MAML2: variants seen among roughly 807,000 people sequenced by gnomAD.
The protein encoded by MAML2 is mastermind like transcriptional coactivator 2, also known as mastermind-like protein 2.
MAML2 carries 22 observed loss-of-function variants against 96.1 expected under a neutral mutation model. That is an observed-to-expected ratio of 0.23 (90% CI 0.16 to 0.33). MAML2 has a LOEUF of 0.33. Among genes scored for constraint, MAML2 ranks in the 10% least tolerant of loss-of-function variants. The pLI is 1.00. For missense variants in MAML2, 1,367 were observed against 1,392.4 expected (o/e 0.98, Z 0.29); for synonymous variants, 561 against 521.3 (o/e 1.08, Z -1.04).
intron 1 of MAML2, among the ~76,000 whole-genome samples, chr11:96,306,154 G>A (rs1591124297): frequency 2.0e-5 from 3 of 152,038 alleles, no homozygotes; most frequent in Non-Finnish European, 4.4e-5. Flanking sequence ...CTTCAGTTGT[G>A]CACTTCAGTT....
At chr11:96,228,211 G>T (rs1379932289) in intron 1 of MAML2, among the ~76,000 whole-genome samples, 1 of 152,080 alleles carries the variant, frequency 6.6e-6, no homozygotes, top group East Asian at 1.9e-4. Flanking sequence ...GGCCACATCG[G>T]GTTTCCAGAC....
chr11:96,276,387 AC>A (rs1254715019), intron 1 of MAML2, among the ~76,000 whole-genome samples: 1 of 152,214 alleles, frequency 6.6e-6, no homozygotes, highest in East Asian at 1.9e-4. Flanking sequence ...GACAGGAAGA[AC>A]AATTTCTTAT....
rs116786186 is a variant in MAML2, at chr11:96,020,050, A to G, written c.2140-28327T>C. ...TAGATTCACATTCTCTACATGGTCA[A>G]TGTTGGAGGTGCCAGTCAGTGAAGG... is the stretch of plus-strand genomic sequence containing the variant. On this transcript the variant is annotated intron_variant, in intron 2 of 4. Coordinates refer to ENST00000524717, the MANE Select transcript of MAML2 (RefSeq NM_032427.4). Among the ~76,000 whole-genome samples the G allele has an allele frequency of 4.0e-3, 604 of 152,266 alleles. 7 individuals are homozygous for G. The highest frequency in any genetic ancestry group is 0.014 in the African/African-American group (586 of 41,544).
At chr11:96,330,094 C>T (rs1370559445) in intron 1 of MAML2, among the ~76,000 whole-genome samples, 1 of 152,068 alleles carries the variant, frequency 6.6e-6, no homozygotes, top group Non-Finnish European at 1.5e-5. Flanking sequence ...TGGAGTATAG[C>T]AAGAATGCTT....
intron 2 of MAML2, among the ~76,000 whole-genome samples, chr11:96,046,300 G>A (rs141024558): frequency 1.1e-4 from 16 of 152,176 alleles, no homozygotes; most frequent in African/African-American, 3.6e-4. Context: ...CGGGGAGCTG[G>A]CAGAAATAGC....
At chr11:96,064,449 G>C (rs558998374) in intron 2 of MAML2, among the ~76,000 whole-genome samples, 1 of 152,192 alleles carries the variant, frequency 6.6e-6, no homozygotes, top group African/African-American at 2.4e-5. Context: ...TATTCTGATA[G>C]TTTGTCCGAA....
chr11:96,337,309 C>T (rs1311890462), intron 1 of MAML2, among the ~76,000 whole-genome samples: 1 of 152,160 alleles, frequency 6.6e-6, no homozygotes, highest in Non-Finnish European at 1.5e-5. Context: ...ACTTACAGCT[C>T]TCAACTTTTT....
chr11:96,313,237 C>T (rs1461181755), intron 1 of MAML2, among the ~76,000 whole-genome samples: 2 of 152,092 alleles, frequency 1.3e-5, no homozygotes, highest in Non-Finnish European at 2.9e-5. Context: ...CTTCTGAGAC[C>T]AATAGTCTAA....
intron 1 of MAML2, among the ~76,000 whole-genome samples, chr11:96,275,154 A>G (rs1862969776): frequency 2.0e-5 from 3 of 152,124 alleles, no homozygotes; most frequent in Non-Finnish European, 4.4e-5. Flanking sequence ...AATGCTGCAG[A>G]GAATAACCTT....
intron 1 of MAML2, among the ~76,000 whole-genome samples, chr11:96,113,999 C>G (rs1276873775): frequency 6.9e-6 from 1 of 145,086 alleles, no homozygotes; most frequent in Non-Finnish European, 1.5e-5. Flanking sequence ...ACTGACATAC[C>G]ATCTCCAGAG....
At chr11:96,155,509 A>AATACATATATATATATATATATAT (rs541216405) in intron 1 of MAML2, among the ~76,000 whole-genome samples, 2 of 74,856 alleles carry the variant, frequency 2.7e-5, no homozygotes, top group Non-Finnish European at 5.0e-5. Context: ...TAACAATTCA[A>AATACATATATATATATATATATAT]ATATATATAT....
intron 2 of MAML2, among the ~76,000 whole-genome samples, chr11:96,015,588 G>GGC (rs1554996045): frequency 7.5e-6 from 1 of 132,506 alleles, no homozygotes; most frequent in East Asian, 2.5e-4. Context: ...AAAAAAAGGG[G>GGC]GGGGGGGCAA....
intron 1 of MAML2, among the ~76,000 whole-genome samples, chr11:96,298,470 T>C (rs911236148): frequency 3.9e-5 from 6 of 152,024 alleles, no homozygotes; most frequent in African/African-American, 1.4e-4. Context: ...AATGTAAACA[T>C]AGGTGTAGGT....
At chr11:96,118,361 G>A (rs1319862635) in intron 1 of MAML2, among the ~76,000 whole-genome samples, 1 of 152,124 alleles carries the variant, frequency 6.6e-6, no homozygotes, top group Non-Finnish European at 1.5e-5. Flanking sequence ...TTTCTTGATA[G>A]TGAGTGAGTT....
chr11:96,288,977 G>T (rs148804800), intron 1 of MAML2, among the ~76,000 whole-genome samples: 67 of 152,236 alleles, frequency 4.4e-4, no homozygotes, highest in African/African-American at 1.5e-3. Flanking sequence ...CATGGCTATC[G>T]CAGTGTACTT....
intron 1 of MAML2, among the ~76,000 whole-genome samples, chr11:96,177,972 C>A (rs1591056899): frequency 7.0e-6 from 1 of 143,514 alleles, no homozygotes; most frequent in East Asian, 2.0e-4. Context: ...ATAAGATCCT[C>A]TACCTGGGAT....
intron 1 of MAML2, among the ~76,000 whole-genome samples, chr11:96,335,440 G>T (rs1428358635): frequency 6.6e-6 from 1 of 152,162 alleles, no homozygotes; most frequent in African/African-American, 2.4e-5. Context: ...GGTATAGCTT[G>T]GTCTGCTTCT....
rs1428881814 is a variant in MAML2 at position 95,979,666 on chromosome 11, T to C, written c.2753A>G (p.Asn918Ser). ...TCCAAAAGTGGCTACATTGTTATTA[T>C]TACTTGGCCCTAAGGTAGGTGGCCG... ...MPRPPTLGPS[N>S]NNNVATFGAG... Residue 918 changes from asparagine (N) to serine (S), a missense_variant, in exon 5 of 5, where the codon AAT becomes AGT. By Grantham distance (46) the Asn-to-Ser change is conservative. Coordinates refer to ENST00000524717, the MANE Select transcript of MAML2 (RefSeq NM_032427.4). 1 of 1,614,004 alleles carries C rather than the reference T, an allele frequency of 6.2e-7. No homozygotes were observed. The highest frequency in any genetic ancestry group is 8.5e-7 in the Non-Finnish European group (1 of 1,179,890).
chr11:96,140,044 G>A (rs1239104049), intron 1 of MAML2, among the ~76,000 whole-genome samples: 1 of 152,240 alleles, frequency 6.6e-6, no homozygotes, highest in Admixed American at 6.5e-5. Flanking sequence ...AATTGCTGCT[G>A]AGGCTTATCA....
Sources: gnomAD v4.1 joint callset for allele counts (sites outside exome capture counted in the v4.1 genomes callset) on GRCh38, gnomAD v4.1.1 for gene constraint, MANE v1.5 for transcripts, NCBI Gene and HGNC (gene_info 2026-07-23, HGNC 2026-07-21) for gene names.